Variants in TRIP12 observed in about 807,000 individuals in gnomAD.
TRIP12 encodes the protein E3 ubiquitin-protein ligase TRIP12.
In TRIP12, 25 loss-of-function variants were observed where a neutral mutation model predicts 244.2. That is an observed-to-expected ratio of 0.10 (90% CI 0.07 to 0.14). TRIP12 has a LOEUF of 0.14. Among genes scored for constraint, TRIP12 ranks in the 10% least tolerant of loss-of-function variants. TRIP12 has a pLI of 1.00. For synonymous variants in TRIP12, 905 were observed against 873.1 expected (o/e 1.04, Z -0.64); for missense variants, 1,677 against 2,486.4 (o/e 0.67, Z 6.92).
At chr2:229,921,033 A>G (rs1476087703) in intron 1 of TRIP12, among the ~76,000 whole-genome samples, 2 of 54,616 alleles carry the variant, frequency 3.7e-5, no homozygotes, top group African/African-American at 1.5e-4. Flanking sequence ...TCCCTCCCCC[A>G]AGTCCTAGTT....
intron 34 of TRIP12, among the ~76,000 whole-genome samples, chr2:229,781,124 G>A (rs1052466345): frequency 2.6e-5 from 4 of 152,186 alleles, no homozygotes; most frequent in African/African-American, 9.7e-5. Flanking sequence ...GAAGGTGGAA[G>A]GCCCAGGTCA....
chr2:229,799,391 T>G lies in TRIP12; in HGVS notation c.3207-8A>C, dbSNP rs1283061153. On this transcript the variant is annotated splice_region_variant and splice_polypyrimidine_tract_variant and intron_variant, in intron 21 of 41. Coordinates refer to ENST00000675903, the MANE Select transcript of TRIP12 (RefSeq NM_001348323.3). Reference sequence around the variant, plus strand: ...AGAACATCACTTAATCGACTGTCCATGGGAAAATATGAGATAAGTTTAGCA... The same window carrying G: ...AGAACATCACTTAATCGACTGTCCAGGGGAAAATATGAGATAAGTTTAGCA... 1 of 1,611,170 alleles carries G rather than the reference T, an allele frequency of 6.2e-7. No homozygotes were observed. Among genetic ancestry groups the G allele is most frequent in the East Asian group, 2.2e-5 (1 of 44,764 alleles).
chr2:229,840,621 G>A (rs1262742493), intron 5 of TRIP12, among the ~76,000 whole-genome samples: 2 of 152,060 alleles, frequency 1.3e-5, no homozygotes, highest in African/African-American at 2.4e-5. Flanking sequence ...AGAACCACCT[G>A]AACCCGGGAG....
chr2:229,859,512 G>A lies in TRIP12; in HGVS notation c.287C>T (p.Thr96Ile), dbSNP rs767543553. 1.2e-6 allele frequency: 2 copies of A among 1,614,144 alleles called. No homozygotes were observed. The highest frequency in any genetic ancestry group is 2.2e-5 in the East Asian group (1 of 44,880). ...PQPEDPDRAN[T>I]SERQKTGQVP... ...CTGCCCCGTTTTTTGTCTTTCTGAAGTATTGGCTCTGTCTGGATCCTCTGG... is the reference window on the plus strand; with the variant it reads ...CTGCCCCGTTTTTTGTCTTTCTGAAATATTGGCTCTGTCTGGATCCTCTGG... The change falls in exon 4 of 42, where the codon ACT (threonine) becomes ATT (isoleucine). Residue 96 changes from threonine (T) to isoleucine (I), a missense_variant. Transcript: ENST00000675903.
intron 1 of TRIP12, among the ~76,000 whole-genome samples, chr2:229,904,284 G>A (rs1048879309): frequency 6.6e-6 from 1 of 151,574 alleles, no homozygotes; most frequent in African/African-American, 2.4e-5. Context: ...CAGCTATGGT[G>A]GCGTGAGCCT....
chr2:229,777,269 T>C (rs755304263), intron 37 of TRIP12, 46 bp downstream of exon 37: 1 of 1,568,906 alleles, frequency 6.4e-7, no homozygotes, highest in East Asian at 2.3e-5. Flanking sequence ...GCCTCATTTT[T>C]CTAAAATAAA....
At chr2:229,812,444 G>T (rs1273846045) in intron 13 of TRIP12, among the ~76,000 whole-genome samples, 2 of 152,172 alleles carry the variant, frequency 1.3e-5, no homozygotes, top group African/African-American at 2.4e-5. Flanking sequence ...GTACTACTTT[G>T]TCTTGATCAT....
At chr2:229,916,590 C>T (rs979759856) in intron 1 of TRIP12, among the ~76,000 whole-genome samples, 1 of 152,168 alleles carries the variant, frequency 6.6e-6, no homozygotes, top group Non-Finnish European at 1.5e-5. Context: ...AAACTGACTA[C>T]TGCCAATAGC....
intron 1 of TRIP12, among the ~76,000 whole-genome samples, chr2:229,893,323 C>T (rs538582771): frequency 2.2e-4 from 34 of 152,116 alleles, no homozygotes; most frequent in Non-Finnish European, 5.0e-4. Context: ...TTTTCAACAA[C>T]GAAATGCCCA....
At chr2:229,876,564 T>G (rs1213212605) in intron 2 of TRIP12, among the ~76,000 whole-genome samples, 1 of 152,256 alleles carries the variant, frequency 6.6e-6, no homozygotes. Flanking sequence ...ACAAATCTAA[T>G]CGAGTTCCAT....
At position 229,846,714 on chromosome 2, in the gene TRIP12, TCA is replaced by T. The variant is rs145138235; in HGVS notation, c.1028-5789_1028-5788del. On this transcript the variant is annotated intron_variant, in intron 4 of 41. Coordinates refer to ENST00000675903, the MANE Select transcript of TRIP12 (RefSeq NM_001348323.3). Reference sequence around the variant, plus strand: ...TAATCTATGAGGTTATAAAAAGGAATCACAGACTTTTATTTTAAAATAACTCA... The same window carrying T: ...TAATCTATGAGGTTATAAAAAGGAATCAGACTTTTATTTTAAAATAACTCA... 2.7e-4 allele frequency among the ~76,000 whole-genome samples: 41 copies of T among 152,324 alleles called. 1 individual carries two copies. The East Asian group carries it at 6.6e-3, about 24-fold the overall frequency.
intron 6 of TRIP12, among the ~76,000 whole-genome samples, chr2:229,835,441 A>G (rs1277777772): frequency 6.6e-6 from 1 of 152,198 alleles, no homozygotes; most frequent in African/African-American, 2.4e-5. Context: ...ATTCGTATAA[A>G]TTATATAAAC....
intron 6 of TRIP12, chr2:229,831,245 G>A (rs968520597): frequency 3.0e-6 from 2 of 663,950 alleles, no homozygotes; most frequent in Middle Eastern, 2.4e-4. Flanking sequence ...TAGACATTTG[G>A]GGGAAATGTT....
chr2:229,848,233 T>C (rs1056432665), intron 4 of TRIP12, among the ~76,000 whole-genome samples: 1 of 152,062 alleles, frequency 6.6e-6, no homozygotes, highest in Non-Finnish European at 1.5e-5. Flanking sequence ...CACTTGAGTA[T>C]GAGGAGACAA....
chr2:229,873,354 T>C (rs1576445322), intron 2 of TRIP12, among the ~76,000 whole-genome samples: 1 of 152,222 alleles, frequency 6.6e-6, no homozygotes, highest in East Asian at 1.9e-4. Flanking sequence ...ATGTGAACAT[T>C]TGGAGCATAA....
chr2:229,892,176 T>C (rs2067520352), intron 1 of TRIP12, among the ~76,000 whole-genome samples: 1 of 151,630 alleles, frequency 6.6e-6, no homozygotes, highest in East Asian at 1.9e-4. Flanking sequence ...AAAAGTGAAA[T>C]AGGAGAAAAA....
At chr2:229,922,494 G>A, upstream of TRIP12, 1 of 1,613,756 alleles carries the variant, frequency 6.2e-7, no homozygotes, top group African/African-American at 1.3e-5. Context: ...TTGTCTTAGC[G>A]ACGGCGGTGG....
intron 33 of TRIP12, among the ~76,000 whole-genome samples, chr2:229,786,187 C>A (rs2039938415): frequency 6.6e-6 from 1 of 151,950 alleles, no homozygotes; most frequent in African/African-American, 2.4e-5. Context: ...ATGAAATTTC[C>A]CTGGGTACAT....
At position 229,797,530 on chromosome 2, in the gene TRIP12, G is replaced by C. The variant is rs188560319; in HGVS notation, c.3624+160C>G. Among the ~76,000 whole-genome samples, 9 of 152,270 alleles carry C rather than the reference G, an allele frequency of 5.9e-5. No individual in the cohort carries two copies. In the East Asian group the frequency reaches 1.2e-3, roughly 20 times the overall value. Reference sequence around the variant, plus strand: ...GACTGATGAATCCTGATAGTCAAGGGATAAGTAAAAGAAATGCCAGCACCA... The same window carrying C: ...GACTGATGAATCCTGATAGTCAAGGCATAAGTAAAAGAAATGCCAGCACCA... On this transcript the variant is annotated intron_variant, in intron 24 of 41. Transcript: ENST00000675903.
Sources: gnomAD v4.1 joint callset for allele counts (sites outside exome capture counted in the v4.1 genomes callset) on GRCh38, gnomAD v4.1.1 for gene constraint, MANE v1.5 for transcripts, NCBI Gene and HGNC (gene_info 2026-07-23, HGNC 2026-07-21) for gene names.